Variants in SEPTIN4 observed in about 807,000 individuals in gnomAD.
SEPTIN4 encodes the protein septin-4.
Under a neutral mutation model 107.1 loss-of-function variants are expected in SEPTIN4, and 52 were observed. The ratio of observed to expected loss-of-function variants is 0.49; its 90% CI spans 0.39 to 0.61. The LOEUF is 0.61. Ranked by LOEUF, SEPTIN4 falls within the 20% of genes least tolerant of loss-of-function variation. The pLI is 0.00. For missense variants in SEPTIN4, 1,048 were observed against 1,243.5 expected (o/e 0.84, Z 2.36); for synonymous variants, 417 against 467.0 (o/e 0.89, Z 1.38).
intron 3 of SEPTIN4, among the ~76,000 whole-genome samples, chr17:58,532,718 A>G (rs923417308): frequency 2.6e-5 from 4 of 152,190 alleles, no homozygotes; most frequent in Non-Finnish European, 1.5e-5. Context: ...GGCTGAGGAC[A>G]GTGGGGAGGG....
intron 7 of SEPTIN4, among the ~76,000 whole-genome samples, chr17:58,523,309 C>T (rs561899184): frequency 3.1e-4 from 45 of 147,494 alleles, no homozygotes; most frequent in Non-Finnish European, 4.6e-4. Flanking sequence ...CGGGGAGCCC[C>T]GGGAGGTGGT....
intron 5 of SEPTIN4, 27 bp downstream of exon 5, chr17:58,526,193 C>G: frequency 3.2e-6 from 5 of 1,556,408 alleles, no homozygotes; most frequent in Non-Finnish European, 4.3e-6. Context: ...ACACACCCTG[C>G]CCAACCCAGC....
chr17:58,520,519 T>G, intron 13 of SEPTIN4, 34 bp from the exon 14 acceptor site: 1 of 1,612,726 alleles, frequency 6.2e-7, no homozygotes. Context: ...ATGGGGACTT[T>G]TGGAGAGTCC....
intron 13 of SEPTIN4, 116 bp from the exon 14 acceptor site, chr17:58,520,601 G>T (rs1018967235): frequency 1.1e-5 from 16 of 1,508,804 alleles, no homozygotes; most frequent in Non-Finnish European, 1.5e-5. Context: ...AGGTGTGATG[G>T]AGACTCTGGA....
intron 7 of SEPTIN4, 73 bp from the exon 8 acceptor site, chr17:58,522,174 A>C: frequency 1.9e-6 from 3 of 1,575,890 alleles, no homozygotes; most frequent in Non-Finnish European, 2.6e-6. Context: ...ACTACAGAGA[A>C]GTAGCCCACT....
At chr17:58,524,970 T>C (rs2042683304) in intron 7 of SEPTIN4, 108 bp downstream of exon 7, 1 of 1,478,022 alleles carries the variant, frequency 6.8e-7, no homozygotes, top group East Asian at 2.3e-5. Context: ...CTCAAGGTCA[T>C]AGACCGCTTC....
At position 58,521,916 on chromosome 17, in the gene SEPTIN4, G is replaced by A; in HGVS notation, c.2351+51C>T. On this transcript the variant is annotated intron_variant, in intron 8 of 13. Transcript: ENST00000672673. This position sits in a 1 kb window ranked among gnomAD's most constrained non-coding sequence, Gnocchi z 6.4. ...GCCCTGCCCCTGGTGCTCTTGGCCT[G>A]TTCCCTTGACAGCACCCGGTGGTGC... 1 of 1,614,252 alleles carries A rather than the reference G, an allele frequency of 6.2e-7. No individual in the cohort carries two copies. The highest frequency in any genetic ancestry group is 1.1e-5 in the South Asian group (1 of 91,092).
intron 3 of SEPTIN4, 192 bp from the exon 4 acceptor site, chr17:58,527,170 C>A (rs1014814207): frequency 1.3e-5 from 13 of 1,003,146 alleles, no homozygotes; most frequent in African/African-American, 1.3e-4. Context: ...TCACAAGCCT[C>A]CCCAATCCAA....
chr17:58,527,739 C>T, intron 3 of SEPTIN4: 1 of 686,102 alleles, frequency 1.5e-6, no homozygotes, highest in African/African-American at 1.9e-5. Flanking sequence ...GATGGAAGAG[C>T]CTGGGAAAGG....
In SEPTIN4 at chr17:58,521,151, G is replaced by T. The variant is rs764148497; in HGVS notation, c.2678C>A (p.Pro893Gln). 3.1e-6 allele frequency: 5 copies of T among 1,614,074 alleles called. No homozygotes were observed. The Admixed American group carries it at 6.7e-5, about 22-fold the overall frequency. The change falls in exon 12 of 14, where the codon CCA (proline) becomes CAA (glutamine). Residue 893 changes from proline (P) to glutamine (Q), a missense_variant. Pro to Gln is a moderately conservative substitution (Grantham distance 76). Transcript: ENST00000672673. This position sits in a 1 kb window ranked among gnomAD's most constrained non-coding sequence, Gnocchi z 6.4. ...YPWGIVEVENPGHCDFVKLRT... is the reference protein window; with the variant it reads ...YPWGIVEVENQGHCDFVKLRT... ...CAGCTTCACAAAGTCGCAGTGCCCT[G>T]GGTTTTCCACTGCATAGCAAGGCTA...
At chr17:58,533,238 G>A (rs2047162748) in intron 3 of SEPTIN4, among the ~76,000 whole-genome samples, 1 of 152,180 alleles carries the variant, frequency 6.6e-6, no homozygotes, top group Non-Finnish European at 1.5e-5. Flanking sequence ...AGATGTTATT[G>A]GCTGTTTGGC....
intron 3 of SEPTIN4, among the ~76,000 whole-genome samples, chr17:58,536,742 C>T (rs181977081): frequency 1.3e-5 from 2 of 152,226 alleles, no homozygotes; most frequent in African/African-American, 2.4e-5. Context: ...GCTCCCCTAA[C>T]AGCAGCTGAG....
intron 3 of SEPTIN4, chr17:58,529,458 T>G: frequency 7.5e-7 from 1 of 1,333,742 alleles, no homozygotes; most frequent in South Asian, 1.6e-5. Context: ...AGTCCCCTCC[T>G]CCTCTGATTG....
At position 58,525,134 on chromosome 17, in the gene SEPTIN4, C is replaced by T. The variant is rs1598273073; in HGVS notation, c.2160G>A (p.Leu720=). ...AVDIEEKGVR[L]RLTIVDTPGF... ...CTGGTGTGTCCACAATGGTGAGCCG[C>T]AGCCTCACACCCTTCTCTTCTATGT... The change falls in exon 7 of 14, where the codon CTG becomes CTA. Residue 720 remains leucine (L), a synonymous_variant. Transcript: ENST00000672673. 3.7e-6 allele frequency: 6 copies of T among 1,614,236 alleles called. No homozygotes were observed. The highest frequency in any genetic ancestry group is 1.3e-5 in the African/African-American group (1 of 75,056).
chr17:58,524,511 T>G (rs2042616441), intron 7 of SEPTIN4: 1 of 152,236 alleles, frequency 6.6e-6, no homozygotes, highest in Non-Finnish European at 1.5e-5. Context: ...TGTAATCAAC[T>G]CTGTGCTACA....
In SEPTIN4 at chr17:58,521,515, T is replaced by C. The variant is rs746603066; in HGVS notation, c.2571+30A>G. ...CTTTTTCTACCCGGAAGAAATAAGA[T>C]AGGAATGGGATGCCCTAGAGTGGCC... On this transcript the variant is annotated intron_variant, in intron 10 of 13. Transcript: ENST00000672673. The surrounding 1 kb of genome is among the most constrained non-coding windows in gnomAD (Gnocchi z 6.4). 1.2e-6 allele frequency: 2 copies of C among 1,608,818 alleles called. No individual in the cohort carries two copies. The highest frequency in any genetic ancestry group is 1.7e-5 in the Admixed American group (1 of 60,002).
Position 58,521,427 on chromosome 17 carries a change from G to A in SEPTIN4, c.2572-77C>T, listed in dbSNP as rs138161166. 24,335 of 1,567,674 alleles carry A rather than the reference G, an allele frequency of 0.016. 239 individuals carry two copies. Among genetic ancestry groups the A allele is most frequent in the Middle Eastern group, 0.026 (158 of 5,970 alleles). Reference sequence around the variant, plus strand: ...TTCCACCTGTATCGTCATCTTCTCTGCTTCATTCTAGGAAGCCAGGGTCCT... The same window carrying A: ...TTCCACCTGTATCGTCATCTTCTCTACTTCATTCTAGGAAGCCAGGGTCCT... On this transcript the variant is annotated intron_variant, in intron 10 of 13. Coordinates refer to ENST00000672673, the MANE Select transcript of SEPTIN4 (RefSeq NM_001368771.2). This position sits in a 1 kb window ranked among gnomAD's most constrained non-coding sequence, Gnocchi z 6.4.
intron 3 of SEPTIN4, among the ~76,000 whole-genome samples, chr17:58,535,814 C>T (rs1449117323): frequency 3.3e-5 from 5 of 152,300 alleles, no homozygotes; most frequent in Middle Eastern, 6.8e-3. Context: ...TCTGGGTGTC[C>T]AGGCCTCTGC....
Position 58,543,649 on chromosome 17 carries a change from T to G in SEPTIN4, c.538A>C (p.Lys180Gln). The G allele has an allele frequency of 1.9e-6, 3 of 1,614,250 alleles. No homozygotes were observed. The highest frequency in any genetic ancestry group is 2.5e-6 in the Non-Finnish European group (3 of 1,180,030). ...CTGACTCCTTGGGGGTTCTGGACCT[T>G]GGATGGTGGGTCATCTTCTAAGATT... ...SQILEDDPPS[K>Q]VQNPQGVRVP... The change falls in exon 1 of 14, where the codon AAG becomes CAG. Residue 180 changes from lysine (K) to glutamine (Q), a missense_variant. Transcript: ENST00000672673.
Sources: allele counts gnomAD v4.1 joint callset (sites outside exome capture counted in the v4.1 genomes callset), GRCh38; gene constraint gnomAD v4.1.1; non-coding constraint Gnocchi (gnomAD v3.1); transcripts MANE v1.5; gene names NCBI Gene and HGNC (gene_info 2026-07-23, HGNC 2026-07-21).